The following ANKRD10 variants were observed in gnomAD, a reference collection of about 807,000 sequenced individuals.
ANKRD10 encodes the protein ankyrin repeat domain-containing protein 10.
ANKRD10 carries 14 observed loss-of-function variants against 27.0 expected under a neutral mutation model. That is an observed-to-expected ratio of 0.52 (90% CI 0.34 to 0.81). The LOEUF (loss-of-function observed/expected upper bound fraction) is 0.81. ANKRD10 is among the 40% of genes least tolerant of loss of function. ANKRD10 has a pLI of 0.01. For synonymous variants in ANKRD10, 250 were observed against 224.5 expected (o/e 1.11, Z -1.01); for missense variants, 493 against 544.0 (o/e 0.91, Z 0.93).
chr13:110,905,037 G>C (rs189400731), intron 3 of ANKRD10: 3 of 152,234 alleles, frequency 2.0e-5, no homozygotes, highest in Admixed American at 1.3e-4. Context: ...TAGTTTTGTG[G>C]GTTTTATTTC....
rs774720088 is a variant in ANKRD10, at chr13:110,910,714, T to C, written c.267A>G (p.Thr89=). 6.2e-7 allele frequency: 1 copy of C among 1,614,168 alleles called. No homozygotes were observed. Among genetic ancestry groups the C allele is most frequent in the East Asian group, 2.2e-5 (1 of 44,872 alleles). The change falls in exon 2 of 6, where the codon ACA becomes ACG. Residue 89 remains threonine (T), a synonymous_variant. Transcript: ENST00000267339. ...TGTGGGCTGGCGTCTGCGCGTACCG[T>C]GTGGTGGAGACGTTGAGTGTGGCTC... The part of the protein sequence containing the change: ...RAGATLNVST[T]RYAQTPAHIA...
In ANKRD10 at chr13:110,893,255, T is replaced by C. The variant is rs771569987; in HGVS notation, c.464A>G (p.Asn155Ser). 1.2e-6 allele frequency: 2 copies of C among 1,614,036 alleles called. No homozygotes were observed. The highest frequency in any genetic ancestry group is 2.2e-5 in the South Asian group (2 of 91,088). Residue 155 changes from asparagine (N) to serine (S), a missense_variant, in exon 4 of 6, where the codon AAT becomes AGT. Transcript: ENST00000267339. ...GTCTGCTGCTGTCAGGCCACTGGCA[T>C]TTCTCAGGCTGTACAACACAAAAAC... ...VANGAHVDLR[N>S]ASGLTAADIA...
intron 2 of ANKRD10, among the ~76,000 whole-genome samples, chr13:110,907,446 A>G (rs904816514): frequency 2.6e-5 from 4 of 152,178 alleles, no homozygotes; most frequent in African/African-American, 4.8e-5. Flanking sequence ...TAAACTCACT[A>G]AATAGCTAAG....
intron 3 of ANKRD10, chr13:110,894,426 A>C (rs940336742): frequency 6.2e-5 from 17 of 272,136 alleles, no homozygotes; most frequent in African/African-American, 2.9e-4. Flanking sequence ...AAAAAAAAAA[A>C]ACCCCGCATT....
intron 1 of ANKRD10, 105 bp from the exon 2 acceptor site, chr13:110,910,875 C>T (rs1038133138): frequency 1.6e-6 from 2 of 1,242,206 alleles, no homozygotes; most frequent in Admixed American, 2.9e-5. Context: ...GGCATTGTTA[C>T]CAGTTTTTTA....
chr13:110,911,630 T>G (rs1447935181), intron 1 of ANKRD10: 1 of 151,736 alleles, frequency 6.6e-6, no homozygotes, highest in East Asian at 1.9e-4. Context: ...ATTACAAAAA[T>G]TACCTGGGTG....
intron 3 of ANKRD10, among the ~76,000 whole-genome samples, chr13:110,900,126 A>G (rs1292448171): frequency 6.6e-6 from 1 of 152,200 alleles, no homozygotes; most frequent in Non-Finnish European, 1.5e-5. Flanking sequence ...TCTCCCCTAA[A>G]GAACTTTAAA....
At position 110,879,648 on chromosome 13, in the gene ANKRD10, G is replaced by A; in HGVS notation, c.1252C>T (p.His418Tyr). The change falls in exon 6 of 6, where the codon CAC (histidine) becomes TAC (tyrosine). Residue 418 changes from histidine to tyrosine, a missense_variant. His to Tyr is a moderately conservative substitution (Grantham distance 83, BLOSUM62 2). Transcript: ENST00000267339. ...CCAGGTCAGCGTCTCTAGGAGCCGTGGTGCAGGTGCATGGTGCCCAGCACG... is the reference window on the plus strand; with the variant it reads ...CCAGGTCAGCGTCTCTAGGAGCCGTAGTGCAGGTGCATGGTGCCCAGCACG... ...SAVLGTMHLH[H>Y]GS 6.2e-7 allele frequency: 1 copy of A among 1,610,270 alleles called. No individual in the cohort carries two copies. Among genetic ancestry groups the A allele is most frequent in the Non-Finnish European group, 8.5e-7 (1 of 1,177,644 alleles).
At position 110,893,390 on chromosome 13, in the gene ANKRD10, A is replaced by G. The variant is rs1163720723; in HGVS notation, c.456-127T>C. The G allele has an allele frequency of 6.0e-6, 5 of 840,210 alleles. No individual in the cohort carries two copies. The East Asian group carries it at 8.0e-5, about 13-fold the overall frequency. 52.0% of individuals were successfully genotyped at this position (840,210 alleles called of 1,614,324 possible). A position where few individuals can be genotyped will look rare whatever the true frequency, so the allele number is the denominator to read the frequency against. On this transcript the variant is annotated intron_variant, in intron 3 of 5. Coordinates refer to ENST00000267339, the MANE Select transcript of ANKRD10 (RefSeq NM_017664.4). ...AACAAATTCATAGCAAATCTTCATTAAAGAAGTAGTTAATCAATCTAGCTC... is the reference window on the plus strand; with the variant it reads ...AACAAATTCATAGCAAATCTTCATTGAAGAAGTAGTTAATCAATCTAGCTC...
At chr13:110,890,580 G>C (rs1442968535) in intron 4 of ANKRD10, among the ~76,000 whole-genome samples, 1 of 152,186 alleles carries the variant, frequency 6.6e-6, no homozygotes, top group Non-Finnish European at 1.5e-5. Context: ...GAAAACCAAG[G>C]ATGAGCAGCT....
At chr13:110,902,077 G>T (rs201200867) in intron 3 of ANKRD10, among the ~76,000 whole-genome samples, 1 of 146,788 alleles carries the variant, frequency 6.8e-6, no homozygotes, top group Non-Finnish European at 1.5e-5. Context: ...AAAAAGAGGA[G>T]GCAAAAGTAG....
chr13:110,881,474 T>TA (rs2064816973), intron 5 of ANKRD10, among the ~76,000 whole-genome samples: 1 of 149,506 alleles, frequency 6.7e-6, no homozygotes, highest in Non-Finnish European at 1.5e-5. Context: ...CCTTTTTTTT[T>TA]ATATTTAAGC....
At chr13:110,890,696 G>A (rs9515307) in intron 4 of ANKRD10, among the ~76,000 whole-genome samples, 40,894 of 152,052 alleles carry the variant, frequency 0.27, 6,861 homozygotes, top group Non-Finnish European at 0.38. Flanking sequence ...TTAGGTCTAC[G>A]TATTACCTGC....
At chr13:110,891,089 A>G (rs1413824148) in intron 4 of ANKRD10, among the ~76,000 whole-genome samples, 1 of 152,166 alleles carries the variant, frequency 6.6e-6, no homozygotes, top group Non-Finnish European at 1.5e-5. Flanking sequence ...TCTCTTTTTA[A>G]AAATACTAAA....
At position 110,879,691 on chromosome 13, in the gene ANKRD10, C is replaced by A. The variant is rs755191364; in HGVS notation, c.1209G>T (p.Gln403His). 6.2e-7 allele frequency: 1 copy of A among 1,614,066 alleles called. No homozygotes were observed. Among genetic ancestry groups the A allele is most frequent in the African/African-American group, 1.3e-5 (1 of 74,932 alleles). ...VVEHSKSVKVQERYDSAVLGT... is the reference protein window; with the variant it reads ...VVEHSKSVKVHERYDSAVLGT... ...CCAGCACGGCACTGTCGTACCGCTC[C>A]TGCACCTTCACGGACTTGGAATGCT... is the stretch of plus-strand genomic sequence containing the variant. The change falls in exon 6 of 6, where the codon CAG becomes CAT. Residue 403 changes from glutamine (Q) to histidine (H), a missense_variant. Gln to His is a conservative substitution (Grantham distance 24). Coordinates refer to ENST00000267339, the MANE Select transcript of ANKRD10 (RefSeq NM_017664.4).
At chr13:110,908,923 T>A (rs1169941440) in intron 2 of ANKRD10, among the ~76,000 whole-genome samples, 1 of 152,158 alleles carries the variant, frequency 6.6e-6, no homozygotes, top group Non-Finnish European at 1.5e-5. Flanking sequence ...ATACTTCAAA[T>A]ACAGGGAGGG....
At chr13:110,909,895 G>A (rs1179158850) in intron 2 of ANKRD10, among the ~76,000 whole-genome samples, 1 of 152,310 alleles carries the variant, frequency 6.6e-6, no homozygotes, top group Non-Finnish European at 1.5e-5. Context: ...CAGAGCCCAT[G>A]CCCAGGTCTT....
At chr13:110,885,561 A>G (rs2064907800) in intron 4 of ANKRD10, among the ~76,000 whole-genome samples, 1 of 151,676 alleles carries the variant, frequency 6.6e-6, no homozygotes, top group African/African-American at 2.4e-5. Context: ...AAAAGAAAAA[A>G]AGAAAGAAAG....
chr13:110,912,613 T>C (rs931420674), intron 1 of ANKRD10, among the ~76,000 whole-genome samples: 3 of 152,214 alleles, frequency 2.0e-5, no homozygotes, highest in African/African-American at 7.2e-5. Context: ...GGAAAGATAC[T>C]GTTCAATATG....
Sources: gnomAD v4.1 joint callset for allele counts (sites outside exome capture counted in the v4.1 genomes callset) on GRCh38, gnomAD v4.1.1 for gene constraint, MANE v1.5 for transcripts, NCBI Gene and HGNC (gene_info 2026-07-23, HGNC 2026-07-21) for gene names.